Variants in GCSAML observed in about 807,000 individuals in gnomAD.
The protein encoded by GCSAML is germinal center-associated signaling and motility-like protein.
GCSAML carries 9 observed loss-of-function variants against 13.0 expected under a neutral mutation model. The observed-to-expected ratio is 0.69, with a 90% CI of 0.42 to 1.21. The LOEUF (loss-of-function observed/expected upper bound fraction) is 1.21, where lower values mean the gene tolerates loss of function less well. Ranked by LOEUF, GCSAML falls within the 50% of genes most tolerant of loss-of-function variation. GCSAML has a pLI of 0.00. For synonymous variants in GCSAML, 37 were observed against 52.9 expected, an observed-to-expected ratio of 0.70 and a Z score of 1.31; for missense variants, 143 against 153.4, an observed-to-expected ratio of 0.93 and a Z score of 0.36.
chr1:247,541,437 T>C (rs1356409001), intron 2 of GCSAML, among the ~76,000 whole-genome samples: 3 of 152,148 alleles, frequency 2.0e-5, no homozygotes, highest in Admixed American at 6.5e-5. Context: ...CCGCACGGTC[T>C]CATCATGGCC....
At chr1:247,546,688 T>C (rs888512042), upstream of GCSAML, among the ~76,000 whole-genome samples, 23 of 152,074 alleles carry the variant, frequency 1.5e-4, no homozygotes, top group African/African-American at 5.6e-4. Context: ...CTGTATTTTA[T>C]GGCATGATAA....
chr1:247,513,069 C>G (rs896943383), intron 1 of GCSAML, among the ~76,000 whole-genome samples: 1 of 152,190 alleles, frequency 6.6e-6, no homozygotes, highest in African/African-American at 2.4e-5. Context: ...CTCTTTGGAG[C>G]TGGCAGGCAG....
chr1:247,574,068 A>G (rs922679240), intron 4 of GCSAML, 75 bp from the exon 5 acceptor site: 4 of 1,537,100 alleles, frequency 2.6e-6, no homozygotes, highest in Non-Finnish European at 3.6e-6. Context: ...ATAAAGAAGA[A>G]GGGAAGGTAG....
At chr1:247,517,540 A>T (rs1019718073) in intron 1 of GCSAML, among the ~76,000 whole-genome samples, 6 of 152,114 alleles carry the variant, frequency 3.9e-5, no homozygotes, top group Admixed American at 2.6e-4. Flanking sequence ...CTGACAAAAT[A>T]TTTTTTTTAA....
In GCSAML at chr1:247,526,653, G is replaced by A. The variant is rs1335442210; in HGVS notation, c.-262-287G>A. 1 of 321,386 alleles carries A rather than the reference G, an allele frequency of 3.1e-6. No homozygotes were observed. Among genetic ancestry groups the A allele is most frequent in the African/African-American group, 2.2e-5 (1 of 45,920 alleles). 19.9% of individuals were successfully genotyped at this position (321,386 alleles called of 1,614,324 possible). A position where few individuals can be genotyped will look rare whatever the true frequency, so the allele number is the denominator to read the frequency against. On this transcript the variant is annotated intron_variant, in intron 1 of 5. Transcript: ENST00000366489. This position sits in a 1 kb window ranked among gnomAD's most constrained non-coding sequence, Gnocchi z 4.8. ...ATGACCCTCACAGTGTGCAGCATGG[G>A]AGGAAACCCATACATGAAGTAGAGG...
chr1:247,565,228 T>G (rs1284433912), intron 3 of GCSAML, among the ~76,000 whole-genome samples: 2 of 152,062 alleles, frequency 1.3e-5, no homozygotes, highest in Admixed American at 1.3e-4. Context: ...CATGGTGGCA[T>G]GTGCCTGTAG....
intron 1 of GCSAML, among the ~76,000 whole-genome samples, chr1:247,515,170 A>C (rs1475364943): frequency 2.0e-5 from 3 of 152,232 alleles, no homozygotes; most frequent in Non-Finnish European, 4.4e-5. Flanking sequence ...TAGAACTAGA[A>C]TATGTGGACT....
At chr1:247,529,187 G>C (rs1573250) in intron 2 of GCSAML, 144,375 of 152,270 alleles carry the variant, frequency 0.95, 68,912 homozygotes, top group East Asian at 1. Flanking sequence ...GAATAATATT[G>C]TGGGGACAGT....
At chr1:247,555,056 A>G (rs1667905014) in intron 1 of GCSAML, among the ~76,000 whole-genome samples, 1 of 152,160 alleles carries the variant, frequency 6.6e-6, no homozygotes, top group African/African-American at 2.4e-5. Flanking sequence ...TAAGAAAAAC[A>G]CTTTTTACTT....
intron 1 of GCSAML, among the ~76,000 whole-genome samples, chr1:247,513,199 T>C (rs941292564): frequency 1.3e-5 from 2 of 152,194 alleles, no homozygotes; most frequent in Non-Finnish European, 2.9e-5. Context: ...CTTTCAGAGA[T>C]GCCCTGCCCA....
intron 4 of GCSAML, among the ~76,000 whole-genome samples, chr1:247,572,532 G>A (rs914836455): frequency 6.6e-6 from 1 of 152,228 alleles, no homozygotes; most frequent in African/African-American, 2.4e-5. Flanking sequence ...TACCAGTGGA[G>A]ACTGCAGAAC....
At chr1:247,558,539 C>G (rs1305090300) in intron 2 of GCSAML, among the ~76,000 whole-genome samples, 2 of 152,174 alleles carry the variant, frequency 1.3e-5, no homozygotes, top group East Asian at 1.9e-4. Flanking sequence ...TTCCCTTCAA[C>G]CCCTGGCAAC....
intron 2 of GCSAML, among the ~76,000 whole-genome samples, chr1:247,543,278 G>GC (rs1667466688): frequency 1.3e-5 from 2 of 152,244 alleles, no homozygotes; most frequent in East Asian, 1.9e-4. Context: ...TGTTATGGTA[G>GC]CCCCCCTTAT....
upstream of GCSAML, chr1:247,549,077 A>G (rs746395473): frequency 6.8e-6 from 11 of 1,608,242 alleles, no homozygotes; most frequent in South Asian, 6.6e-5. Context: ...CAAGAGCACG[A>G]ACCCGTGGTC....
At chr1:247,543,153 A>C (rs1489993179) in intron 2 of GCSAML, among the ~76,000 whole-genome samples, 1 of 152,222 alleles carries the variant, frequency 6.6e-6, no homozygotes, top group Non-Finnish European at 1.5e-5. Flanking sequence ...TGGATATAAT[A>C]TAAGTAATTG....
intron 2 of GCSAML, among the ~76,000 whole-genome samples, chr1:247,562,123 T>C (rs1360825232): frequency 6.6e-6 from 1 of 152,152 alleles, no homozygotes; most frequent in Non-Finnish European, 1.5e-5. Context: ...CTGAGATACC[T>C]TGAAGCTGAG....
chr1:247,572,360 C>T (rs1374457406), intron 4 of GCSAML, among the ~76,000 whole-genome samples: 1 of 152,108 alleles, frequency 6.6e-6, no homozygotes, highest in African/African-American at 2.4e-5. Context: ...GGTCTTTGCT[C>T]TTGGTGACCT....
At chr1:247,531,884 G>A (rs764131898) in intron 2 of GCSAML, 1 of 1,614,198 alleles carries the variant, frequency 6.2e-7, no homozygotes, top group South Asian at 1.1e-5. Flanking sequence ...CCCAGAGGCA[G>A]GACAACAAAG....
At chr1:247,557,170 G>A (rs377695771) in intron 2 of GCSAML, among the ~76,000 whole-genome samples, 9 of 152,280 alleles carry the variant, frequency 5.9e-5, no homozygotes, top group South Asian at 4.2e-4. Context: ...CTTCTGCACC[G>A]CATGGTTTTA....
Sources: gnomAD v4.1 joint callset for allele counts (sites outside exome capture counted in the v4.1 genomes callset) on GRCh38, gnomAD v4.1.1 for gene constraint, Gnocchi (gnomAD v3.1) non-coding constraint, MANE v1.5 for transcripts, NCBI Gene and HGNC (gene_info 2026-07-23, HGNC 2026-07-21) for gene names.